NAV3: variants seen among roughly 807,000 people sequenced by gnomAD.
NAV3 encodes the protein neuron navigator 3, also known as pore membrane and/or filament interacting like protein 1.
In NAV3, 87 loss-of-function variants were observed where a neutral mutation model predicts 244.7. That is an observed-to-expected ratio of 0.36 (90% CI 0.30 to 0.42). NAV3 has a LOEUF of 0.42. Ranked by LOEUF, NAV3 falls within the 20% of genes least tolerant of loss-of-function variation. The probability of loss-of-function intolerance (pLI) is 1.00; values close to 1 mark genes in which losing one functional copy is unlikely to be tolerated. For synonymous variants in NAV3, 1,126 were observed against 1,042.2 expected (o/e 1.08, Z -1.55); for missense variants, 2,663 against 2,893.3 (o/e 0.92, Z 1.83).
chr12:77,715,552 G>A lies in NAV3; in HGVS notation c.72+143286G>A, dbSNP rs142187361. On this transcript the variant is annotated intron_variant, in intron 2 of 8. Transcript: ENST00000550042. ...TATAATTTTTACCAAAAAATAAATA[G>A]GGTTATTAAATTACTAGGATAAAGA... is the stretch of plus-strand genomic sequence containing the variant. Among the ~76,000 whole-genome samples the A allele has an allele frequency of 9.9e-4, 151 of 151,792 alleles. 2 individuals carry two copies. The highest frequency in any genetic ancestry group is 3.5e-3 in the African/African-American group (145 of 41,418).
intron 1 of NAV3, among the ~76,000 whole-genome samples, chr12:77,915,002 ATAT>A (rs1287341436): frequency 6.6e-6 from 1 of 152,006 alleles, no homozygotes; most frequent in African/African-American, 2.4e-5. Context: ...TACAAAATAC[ATAT>A]TTAAGTGATA....
intron 2 of NAV3, among the ~76,000 whole-genome samples, chr12:77,739,011 CAAAAAAAAAAAAAAAAA>C (rs1168641355): frequency 1.6e-5 from 1 of 64,068 alleles, no homozygotes; most frequent in Admixed American, 2.3e-4. Flanking sequence ...GACTCCGTCT[CAAAAAAAAAAAAAAAAA>C]AAAAAAAAAA....
At chr12:78,148,988 A>G in intron 22 of NAV3, 69 bp downstream of exon 22, 1 of 1,294,124 alleles carries the variant, frequency 7.7e-7, no homozygotes, top group Non-Finnish European at 1.1e-6. Context: ...CATTTTAGTA[A>G]CAAACTTACA....
intron 2 of NAV3, among the ~76,000 whole-genome samples, chr12:77,718,826 T>C (rs1876482756): frequency 6.6e-6 from 1 of 151,784 alleles, no homozygotes; most frequent in African/African-American, 2.4e-5. Flanking sequence ...CCTAAAAATT[T>C]TGTATTTTTA....
chr12:78,086,080 C>G (rs1593521008), intron 12 of NAV3, among the ~76,000 whole-genome samples: 2 of 152,002 alleles, frequency 1.3e-5, no homozygotes, highest in African/African-American at 4.8e-5. Flanking sequence ...AGCTTGTATC[C>G]TTTTCTACAA....
chr12:77,961,270 A>T (rs1593126145), intron 3 of NAV3, among the ~76,000 whole-genome samples: 1 of 114,286 alleles, frequency 8.7e-6, no homozygotes, highest in Non-Finnish European at 2.1e-5. Context: ...CATATATTAC[A>T]TATCTGTATG....
intron 1 of NAV3, among the ~76,000 whole-genome samples, chr12:77,905,786 A>G (rs773212012): frequency 6.6e-6 from 1 of 152,190 alleles, no homozygotes; most frequent in Non-Finnish European, 1.5e-5. Context: ...CAGACCCATA[A>G]CAATATGAGC....
intron 2 of NAV3, among the ~76,000 whole-genome samples, chr12:77,727,481 A>G (rs1876929423): frequency 6.6e-6 from 1 of 151,954 alleles, no homozygotes; most frequent in African/African-American, 2.4e-5. Flanking sequence ...ATCATTTAGA[A>G]TATTACCAAG....
At chr12:77,639,418 C>G (rs1353020231) in intron 2 of NAV3, among the ~76,000 whole-genome samples, 1 of 152,120 alleles carries the variant, frequency 6.6e-6, no homozygotes, top group African/African-American at 2.4e-5. Context: ...CTCTATAGCA[C>G]TCATTATGAT....
chr12:77,936,888 C>T (rs1889376913), intron 1 of NAV3, among the ~76,000 whole-genome samples: 1 of 152,122 alleles, frequency 6.6e-6, no homozygotes, highest in Admixed American at 6.5e-5. Flanking sequence ...AAAGACACAA[C>T]TCATTTTTCC....
chr12:78,184,198 C>A (rs949268221), intron 30 of NAV3, among the ~76,000 whole-genome samples: 1 of 151,792 alleles, frequency 6.6e-6, no homozygotes, highest in African/African-American at 2.4e-5. Flanking sequence ...TATTCATTCC[C>A]AATATGCAGC....
intron 1 of NAV3, among the ~76,000 whole-genome samples, chr12:77,867,588 T>C (rs1252956700): frequency 6.6e-6 from 1 of 152,000 alleles, no homozygotes; most frequent in Non-Finnish European, 1.5e-5. Flanking sequence ...CCCGGCTAAT[T>C]TTTTTGCATT....
At chr12:77,854,225 C>G (rs1441133822) in intron 1 of NAV3, among the ~76,000 whole-genome samples, 2 of 152,128 alleles carry the variant, frequency 1.3e-5, no homozygotes, top group East Asian at 3.9e-4. Flanking sequence ...CATGATGTTT[C>G]ATCAGCAATA....
rs531207582 is a variant in NAV3 at position 77,871,126 on chromosome 12, T to A, written c.243+39422T>A. 1.4e-4 allele frequency among the ~76,000 whole-genome samples: 22 copies of A among 152,208 alleles called. No individual in the cohort carries two copies. The South Asian group carries it at 4.4e-3, about 30-fold the overall frequency. On this transcript the variant is annotated intron_variant, in intron 1 of 39. Transcript: ENST00000397909. ...GGAACATGTCTGTGCTTAACTTTAC[T>A]CCCTAGTGGCTTATACTTAATTTAA... is the stretch of plus-strand genomic sequence containing the variant.
At chr12:77,806,998 C>T in intron 2 of NAV3, among the ~76,000 whole-genome samples, 1 of 152,088 alleles carries the variant, frequency 6.6e-6, no homozygotes, top group East Asian at 1.9e-4. Flanking sequence ...ATTGCAACCC[C>T]TGCTTTTTTT....
rs541612767 is a variant in NAV3 at position 77,944,528 on chromosome 12, G to A, written c.414+3395G>A. 3.6e-4 allele frequency among the ~76,000 whole-genome samples: 55 copies of A among 152,124 alleles called. No homozygotes were observed. In the South Asian group the frequency reaches 5.0e-3, roughly 14 times the overall value. On this transcript the variant is annotated intron_variant, in intron 3 of 39. Coordinates refer to ENST00000397909, the MANE Select transcript of NAV3 (RefSeq NM_001024383.2). ...GTGATGAATTCATATTTTAACATGT[G>A]GAACTTGATGTATCTATTAAAACAT...
At chr12:77,650,209 C>G (rs189350484) in intron 2 of NAV3, among the ~76,000 whole-genome samples, 1 of 152,126 alleles carries the variant, frequency 6.6e-6, no homozygotes. Context: ...ATGTTCCTTA[C>G]GCAAATAATC....
chr12:77,579,751 C>A (rs1869262322), intron 2 of NAV3, among the ~76,000 whole-genome samples: 2 of 152,184 alleles, frequency 1.3e-5, no homozygotes, highest in Admixed American at 6.5e-5. Flanking sequence ...CCTGATGAAA[C>A]TAGCAATGTC....
In NAV3 at chr12:77,776,929, T is replaced by C. The variant is rs549540657; in HGVS notation, c.73-163390T>C. On this transcript the variant is annotated intron_variant, in intron 2 of 8. Transcript: ENST00000550042. ...CCAGTAGTTGAGATTTTGCTTAGTA[T>C]ATTCTGATGCTTAAGCATACGTTTA... Among the ~76,000 whole-genome samples, 6 of 152,348 alleles carry C rather than the reference T, an allele frequency of 3.9e-5. No homozygotes were observed. In the South Asian group the frequency reaches 1.2e-3, roughly 32 times the overall value.
Sources: gnomAD v4.1 joint callset for allele counts (sites outside exome capture counted in the v4.1 genomes callset) on GRCh38, gnomAD v4.1.1 for gene constraint, MANE v1.5 for transcripts, NCBI Gene and HGNC (gene_info 2026-07-23, HGNC 2026-07-21) for gene names.